ITGA4: variants seen among roughly 807,000 people sequenced by gnomAD.
The protein encoded by ITGA4 is integrin subunit alpha 4.
A neutral mutation model predicts 133.6 loss-of-function variants in ITGA4; 63 were observed. The ratio of observed to expected loss-of-function variants is 0.47; its 90% CI spans 0.38 to 0.58. The LOEUF (loss-of-function observed/expected upper bound fraction) is 0.58, where lower values mean the gene tolerates loss of function less well. ITGA4 is among the 20% of genes least tolerant of loss of function. The pLI, the probability that ITGA4 is intolerant of heterozygous loss-of-function variation, is 0.00. For synonymous variants in ITGA4, 483 were observed against 438.0 expected, an observed-to-expected ratio of 1.10 and a Z score of -1.28; for missense variants, 1,076 against 1,252.7, an observed-to-expected ratio of 0.86 and a Z score of 2.13.
intron 7 of ITGA4, 84 bp downstream of exon 7, chr2:181,481,767 T>C (rs1685809314): frequency 1.9e-6 from 1 of 517,892 alleles, no homozygotes. Flanking sequence ...AAACTGTGAA[T>C]GTTGTAAGGA....
chr2:181,530,244 C>T (rs1054483899), intron 23 of ITGA4, among the ~76,000 whole-genome samples: 2 of 152,212 alleles, frequency 1.3e-5, no homozygotes, highest in Admixed American at 1.3e-4. Flanking sequence ...TATTTAATGT[C>T]ATGCTAATGT....
intron 2 of ITGA4, among the ~76,000 whole-genome samples, chr2:181,462,050 G>A (rs976043052): frequency 4.6e-5 from 7 of 151,796 alleles, no homozygotes; most frequent in Admixed American, 3.3e-4. Context: ...TTTTTCATGT[G>A]GCTATTATAA....
chr2:181,457,931 CAA>C, intron 1 of ITGA4, 80 bp downstream of exon 1: 6 of 1,351,678 alleles, frequency 4.4e-6, no homozygotes, highest in Non-Finnish European at 6.0e-6. Context: ...CTGCCCGATT[CAA>C]ACTTTCCTCC....
chr2:181,537,172 A>C lies in ITGA4; in HGVS notation c.*1645A>C, dbSNP rs2105780381. On this transcript the variant is annotated 3_prime_UTR_variant, in exon 28 of 28. Transcript: ENST00000397033. Reference sequence around the variant, plus strand: ...AAAGGCTAGTCATTCTTTCAGGAGAACATCTAGGATCATAGATGAAAAATC... The same window carrying C: ...AAAGGCTAGTCATTCTTTCAGGAGACCATCTAGGATCATAGATGAAAAATC... 2.2e-6 allele frequency: 1 copy of C among 453,964 alleles called. No individual in the cohort carries two copies. Among genetic ancestry groups the C allele is most frequent in the South Asian group, 1.6e-5 (1 of 64,464 alleles). The allele number at this position is 453,964 out of a possible 1,614,324, so 28.1% of individuals were successfully genotyped here. A position where few individuals can be genotyped will look rare whatever the true frequency, so the allele number is the denominator to read the frequency against.
intron 1 of ITGA4, 41 bp downstream of exon 1, chr2:181,457,892 C>A (rs774109325): frequency 4.5e-6 from 7 of 1,542,974 alleles, no homozygotes; most frequent in Non-Finnish European, 6.2e-6. Context: ...CAGCTCAGAG[C>A]GGCGTGAGAA....
Position 181,480,191 on chromosome 2 carries a change from G to C in ITGA4, c.679G>C (p.Val227Leu), listed in dbSNP as rs200211139. ...GSSYWTGSLF[V>L]YNITTNKYKA... Reference sequence around the variant, plus strand: ...ATCTTACTGGACTGGCTCTCTTTTTGTCTACAATATAACTACAAATAAATA... The same window carrying C: ...ATCTTACTGGACTGGCTCTCTTTTTCTCTACAATATAACTACAAATAAATA... Residue 227 changes from valine to leucine, a missense_variant, in exon 6 of 28, where the codon GTC (valine) becomes CTC (leucine). Physicochemically the swap from Val to Leu is conservative, Grantham distance 32. Around this residue, in one of 4 missense-constraint regions of ITGA4, gnomAD observed 436 missense variants for 590.7 expected, o/e 0.74. Transcript: ENST00000397033. 1 of 1,551,148 alleles carries C rather than the reference G, an allele frequency of 6.4e-7. No individual in the cohort carries two copies. The highest frequency in any genetic ancestry group is 8.7e-7 in the Non-Finnish European group (1 of 1,148,506).
At chr2:181,527,189 A>G in intron 21 of ITGA4, 108 bp from the exon 22 acceptor site, 2 of 630,528 alleles carry the variant, frequency 3.2e-6, no homozygotes, top group Non-Finnish European at 5.5e-6. Context: ...AACCAAAAGT[A>G]TTCCATGGTG....
chr2:181,527,263 G>T, intron 21 of ITGA4, 34 bp from the exon 22 acceptor site: 1 of 1,209,290 alleles, frequency 8.3e-7, no homozygotes, highest in South Asian at 1.2e-5. Context: ...CATCGAATAA[G>T]ACAGTTAATT....
Position 181,481,701 on chromosome 2 carries a change from A to G in ITGA4, c.840+18A>G, listed in dbSNP as rs1379022384. ...TTGGTAAGGTAAGAATTACATTTTT[A>G]TATTTATTTCTTCACAAAGGTTCAA... On this transcript the variant is annotated intron_variant, in intron 7 of 27. Transcript: ENST00000397033. 3 of 1,341,984 alleles carry G rather than the reference A, an allele frequency of 2.2e-6. No homozygotes were observed. Among genetic ancestry groups the G allele is most frequent in the East Asian group, 2.4e-5 (1 of 42,392 alleles). The allele number at this position is 1,341,984 out of a possible 1,614,324, so 83.1% of individuals were successfully genotyped here. A position where few individuals can be genotyped will look rare whatever the true frequency, so the allele number is the denominator to read the frequency against.
At chr2:181,486,581 T>C (rs762394926) in intron 10 of ITGA4, among the ~76,000 whole-genome samples, 56 of 152,302 alleles carry the variant, frequency 3.7e-4, no homozygotes, top group Admixed American at 5.9e-4. Flanking sequence ...CCCACTGATA[T>C]TGACGTTTTT....
At chr2:181,471,183 A>G (rs1285298429) in intron 2 of ITGA4, among the ~76,000 whole-genome samples, 4 of 152,190 alleles carry the variant, frequency 2.6e-5, no homozygotes, top group Admixed American at 2.6e-4. Context: ...TTCTTTTTAC[A>G]CACATTTTGA....
chr2:181,534,221 A>ATGTC, intron 25 of ITGA4, 51 bp from the exon 26 acceptor site: 1 of 1,087,238 alleles, frequency 9.2e-7, no homozygotes, highest in South Asian at 1.3e-5. Flanking sequence ...CTGATAAATT[A>ATGTC]TGTCTTTATG....
rs1025212699 is a variant in ITGA4 at position 181,538,826 on chromosome 2, T to C, written c.*3299T>C. ...AAATGGAAGTTGTAGACATTATCTG[T>C]AGTTTATGCACAACAATAAATTAGA... On this transcript the variant is annotated 3_prime_UTR_variant, in exon 28 of 28. Coordinates refer to ENST00000397033, the MANE Select transcript of ITGA4 (RefSeq NM_000885.6). Among the ~76,000 whole-genome samples the C allele has an allele frequency of 6.6e-6, 1 of 152,174 alleles. No homozygotes were observed. The highest frequency in any genetic ancestry group is 2.4e-5 in the African/African-American group (1 of 41,456).
In ITGA4 at chr2:181,502,201, G is replaced by A. The variant is rs187581811; in HGVS notation, c.1695+3424G>A. On this transcript the variant is annotated intron_variant, in intron 15 of 27. Coordinates refer to ENST00000397033, the MANE Select transcript of ITGA4 (RefSeq NM_000885.6). ...ATTTATAATGCAGAGGCTGTTGGTG[G>A]TGGTGACAACAGCATTTCAGACATT... 5.9e-3 allele frequency among the ~76,000 whole-genome samples: 875 copies of A among 149,396 alleles called. 6 individuals are homozygous for A. The highest frequency in any genetic ancestry group is 0.01 in the Non-Finnish European group (675 of 67,122).
At chr2:181,482,705 A>C in intron 9 of ITGA4, 54 bp downstream of exon 9, 11 of 1,543,020 alleles carry the variant, frequency 7.1e-6, no homozygotes, top group African/African-American at 1.4e-5. Context: ...ATCAAAACTC[A>C]AATTGGTCTT....
chr2:181,498,540 T>A, intron 14 of ITGA4, 83 bp from the exon 15 acceptor site: 1 of 782,794 alleles, frequency 1.3e-6, no homozygotes, highest in Non-Finnish European at 2.0e-6. Context: ...GTAGTCCATA[T>A]AACTTTAACT....
Position 181,482,381 on chromosome 2 carries a change from G to A in ITGA4, c.862G>A (p.Glu288Lys), listed in dbSNP as rs1384242851. The stretch of plus-strand genomic sequence containing the variant: ...ACAGGCATATATATTCAGCATTGAT[G>A]AAAAAGAACTAAATATCTTACATGA... The part of the protein sequence containing the change: ...IGKAYIFSID[E>K]KELNILHEMK... The change falls in exon 8 of 28, where the codon GAA (glutamate) becomes AAA (lysine). Residue 288 changes from glutamate (E) to lysine (K), a missense_variant. Glu to Lys is a moderately conservative substitution (Grantham distance 56). Transcript: ENST00000397033. 3 of 1,612,184 alleles carry A rather than the reference G, an allele frequency of 1.9e-6. No individual in the cohort carries two copies. The highest frequency in any genetic ancestry group is 2.2e-5 in the East Asian group (1 of 44,854).
Position 181,537,933 on chromosome 2 carries a change from T to G in ITGA4, c.*2406T>G, listed in dbSNP as rs1447021959. 2 of 603,032 alleles carry G rather than the reference T, an allele frequency of 3.3e-6. No individual in the cohort carries two copies. Among genetic ancestry groups the G allele is most frequent in the Non-Finnish European group, 6.2e-6 (2 of 320,646 alleles). 37.4% of individuals were successfully genotyped at this position (603,032 alleles called of 1,614,324 possible). A position where few individuals can be genotyped will look rare whatever the true frequency, so the allele number is the denominator to read the frequency against. On this transcript the variant is annotated 3_prime_UTR_variant, in exon 28 of 28. Coordinates refer to ENST00000397033, the MANE Select transcript of ITGA4 (RefSeq NM_000885.6). The stretch of plus-strand genomic sequence containing the variant: ...CTGTCAGATCAGCAGCAGCATTAGA[T>G]TCTCATAGAAGTGCGAACCATATGG...
intron 2 of ITGA4, among the ~76,000 whole-genome samples, chr2:181,468,658 T>C (rs1685479901): frequency 6.6e-6 from 1 of 152,192 alleles, no homozygotes; most frequent in Admixed American, 6.5e-5. Flanking sequence ...AGCTTTGTAG[T>C]ATTTCTTTGA....
Sources: allele counts gnomAD v4.1 joint callset (sites outside exome capture counted in the v4.1 genomes callset), GRCh38; gene constraint gnomAD v4.1.1; regional missense constraint gnomAD v4.1.1; transcripts MANE v1.5; gene names NCBI Gene and HGNC (gene_info 2026-07-23, HGNC 2026-07-21).